Variants in SLC39A10 observed in about 807,000 individuals in gnomAD.
SLC39A10 encodes solute carrier family 39 member 10, also known as zinc transporter ZIP10.
SLC39A10 carries 13 observed loss-of-function variants against 65.1 expected under a neutral mutation model. That is an observed-to-expected ratio of 0.20 (90% CI 0.13 to 0.32). The LOEUF (loss-of-function observed/expected upper bound fraction) is 0.32. Among genes scored for constraint, SLC39A10 ranks in the 10% least tolerant of loss-of-function variants. SLC39A10 has a pLI of 1.00. For synonymous variants in SLC39A10, 321 were observed against 342.2 expected, an observed-to-expected ratio of 0.94 and a Z score of 0.68; for missense variants, 831 against 1,018.4, an observed-to-expected ratio of 0.82 and a Z score of 2.50.
intron 1 of SLC39A10, among the ~76,000 whole-genome samples, chr2:195,670,110 G>A (rs1689797669): frequency 6.6e-6 from 1 of 152,102 alleles, no homozygotes; most frequent in African/African-American, 2.4e-5. Context: ...AGTGAGCGGA[G>A]ATCATGCCAC....
intron 9 of SLC39A10, among the ~76,000 whole-genome samples, chr2:195,732,281 T>G (rs1055129639): frequency 1.3e-5 from 2 of 152,250 alleles, no homozygotes; most frequent in African/African-American, 4.8e-5. Context: ...TTTATTGATT[T>G]AAAGCCATTC....
chr2:195,674,728 T>C (rs1235374007), intron 1 of SLC39A10: 1 of 836,948 alleles, frequency 1.2e-6, no homozygotes, highest in East Asian at 1.2e-4. Flanking sequence ...TGTGTGAACA[T>C]CATAGAGTAT....
chr2:195,676,267 G>T (rs969068807), intron 1 of SLC39A10, among the ~76,000 whole-genome samples: 1 of 151,424 alleles, frequency 6.6e-6, no homozygotes, highest in Non-Finnish European at 1.5e-5. Context: ...TTGGCTCACT[G>T]CAACCTCCAC....
intron 2 of SLC39A10, among the ~76,000 whole-genome samples, chr2:195,630,965 G>A (rs1280059546): frequency 6.6e-6 from 1 of 152,170 alleles, no homozygotes; most frequent in Non-Finnish European, 1.5e-5. Flanking sequence ...GAGGCAGGTG[G>A]ATCACTTGAG....
At position 195,657,392 on chromosome 2, in the gene SLC39A10, C is replaced by T. The variant is rs534245389; in HGVS notation, c.-12+111C>T. On this transcript the variant is annotated intron_variant, in intron 1 of 9. Coordinates refer to ENST00000359634, the MANE Select transcript of SLC39A10 (RefSeq NM_020342.3). ...TGGGGGTAGAAAGGGAGAACAGAAC[C>T]GGGGAGTCGGGGCTGGTTCCCTCGG... 207 of 985,464 alleles carry T rather than the reference C, an allele frequency of 2.1e-4. No homozygotes were observed. The African/African-American group carries it at 3.5e-3, about 17-fold the overall frequency. The allele number at this position is 985,464 out of a possible 1,614,324, so 61.0% of individuals were successfully genotyped here. A position where few individuals can be genotyped will look rare whatever the true frequency, so the allele number is the denominator to read the frequency against.
At chr2:195,688,378 A>T (rs1450690009) in intron 3 of SLC39A10, among the ~76,000 whole-genome samples, 1 of 152,180 alleles carries the variant, frequency 6.6e-6, no homozygotes, top group African/African-American at 2.4e-5. Flanking sequence ...TAAATGTTAT[A>T]AATTCTACAA....
intron 1 of SLC39A10, among the ~76,000 whole-genome samples, chr2:195,661,233 ACT>A (rs768800787): frequency 2.2e-4 from 33 of 151,974 alleles, no homozygotes; most frequent in Non-Finnish European, 4.6e-4. Flanking sequence ...AGTATTTCAA[ACT>A]CTTTTTTTTC....
At chr2:195,614,715 G>T (rs1036939532) in intron 2 of SLC39A10, among the ~76,000 whole-genome samples, 1 of 152,130 alleles carries the variant, frequency 6.6e-6, no homozygotes, top group Non-Finnish European at 1.5e-5. Context: ...ATCTTTTGAT[G>T]ACTTGAAACT....
chr2:195,627,304 C>T (rs180974460), intron 2 of SLC39A10, among the ~76,000 whole-genome samples: 1 of 152,264 alleles, frequency 6.6e-6, no homozygotes, highest in Admixed American at 6.5e-5. Context: ...ACATCTACCT[C>T]AGTGATTAAA....
intron 2 of SLC39A10, among the ~76,000 whole-genome samples, chr2:195,627,452 C>T (rs1180431183): frequency 6.6e-6 from 1 of 152,038 alleles, no homozygotes; most frequent in Admixed American, 6.6e-5. Flanking sequence ...CGAGCCACAC[C>T]AGCTTCCCAC....
intron 8 of SLC39A10, among the ~76,000 whole-genome samples, chr2:195,721,689 A>G (rs1041888824): frequency 6.6e-6 from 1 of 152,140 alleles, no homozygotes; most frequent in Non-Finnish European, 1.5e-5. Context: ...CAGTTTTTAT[A>G]TATGAGTTAA....
intron 2 of SLC39A10, among the ~76,000 whole-genome samples, chr2:195,635,058 C>G (rs945571732): frequency 6.6e-6 from 1 of 151,906 alleles, no homozygotes; most frequent in African/African-American, 2.4e-5. Context: ...CCAAAAAAAA[C>G]AAAACAAAAC....
intron 2 of SLC39A10, among the ~76,000 whole-genome samples, chr2:195,617,415 A>T (rs1294541096): frequency 7.9e-5 from 12 of 152,040 alleles, no homozygotes; most frequent in Admixed American, 2.0e-4. Context: ...AGAAAAAATT[A>T]GCCGGGTGTG....
intron 2 of SLC39A10, among the ~76,000 whole-genome samples, chr2:195,643,773 C>G (rs566283326): frequency 6.6e-6 from 1 of 152,210 alleles, no homozygotes; most frequent in African/African-American, 2.4e-5. Flanking sequence ...ATCATTCAAC[C>G]ATGGGTAGCC....
intron 9 of SLC39A10, among the ~76,000 whole-genome samples, chr2:195,731,827 C>G (rs1033129604): frequency 6.6e-6 from 1 of 152,112 alleles, no homozygotes; most frequent in Admixed American, 6.6e-5. Context: ...TATGAGGAAG[C>G]TGAATGATTT....
At position 195,737,305 on chromosome 2, in the gene SLC39A10, G is replaced by A. The variant is rs1470723941; in HGVS notation, c.*2264G>A. ...CTAATTTAAAATGTGTTTGTTGGAG[G>A]TCATTAACGTTACTTGTACAATGCT... On this transcript the variant is annotated 3_prime_UTR_variant, in exon 10 of 10. Transcript: ENST00000359634. 6.5e-6 allele frequency: 1 copy of A among 152,716 alleles called. No individual in the cohort carries two copies. Among genetic ancestry groups the A allele is most frequent in the South Asian group, 2.1e-4 (1 of 4,832 alleles). The allele number at this position is 152,716 out of a possible 1,614,324, so 9.5% of individuals were successfully genotyped here.
rs1692687548 is a variant in SLC39A10 at position 195,737,470 on chromosome 2, T to TAAC, written c.*2432_*2434dup. ...TAGATGCAGTGTGAATTTTTTCCATTAACAAACAAACAAGTCAGTGGCTTA... is the reference window on the plus strand; with the variant it reads ...TAGATGCAGTGTGAATTTTTTCCATTAACAACAAACAAACAAGTCAGTGGCTTA... On this transcript the variant is annotated 3_prime_UTR_variant, in exon 10 of 10. Transcript: ENST00000359634. 1 of 161,030 alleles carries TAAC rather than the reference T, an allele frequency of 6.2e-6. No homozygotes were observed. The highest frequency in any genetic ancestry group is 1.4e-5 in the Non-Finnish European group (1 of 72,880). The allele number at this position is 161,030 out of a possible 1,614,324, so 10.0% of individuals were successfully genotyped here.
chr2:195,624,342 G>A (rs1158405612), intron 2 of SLC39A10, among the ~76,000 whole-genome samples: 1 of 143,134 alleles, frequency 7.0e-6, no homozygotes. Flanking sequence ...AGCCGAAATC[G>A]TGCCACTGCA....
At chr2:195,649,753 G>A (rs1038791732) in intron 2 of SLC39A10, among the ~76,000 whole-genome samples, 8 of 152,190 alleles carry the variant, frequency 5.3e-5, no homozygotes, top group Non-Finnish European at 1.2e-4. Flanking sequence ...GTTATGTTCT[G>A]AAAAGTCAAT....
Sources: gnomAD v4.1 joint callset for allele counts (sites outside exome capture counted in the v4.1 genomes callset) on GRCh38, gnomAD v4.1.1 for gene constraint, MANE v1.5 for transcripts, NCBI Gene and HGNC (gene_info 2026-07-23, HGNC 2026-07-21) for gene names.